COMMD10: variants seen among roughly 807,000 people sequenced by gnomAD.
COMMD10 encodes COMM domain containing 10.
COMMD10 carries 33 observed loss-of-function variants against 28.9 expected under a neutral mutation model. That is an observed-to-expected ratio of 1.14 (90% CI 0.87 to 1.53). The LOEUF is 1.53. COMMD10 is among the 40% of genes most tolerant of loss of function. The pLI is 0.00. For missense variants in COMMD10, 310 were observed against 233.4 expected (o/e 1.33, Z -2.14); for synonymous variants, 110 against 81.7 (o/e 1.35, Z -1.87).
At chr5:116,138,583 TTTA>T (rs1355328791) in intron 5 of COMMD10, among the ~76,000 whole-genome samples, 1 of 151,796 alleles carries the variant, frequency 6.6e-6, no homozygotes, top group East Asian at 1.9e-4. Flanking sequence ...GATTCCAAAT[TTTA>T]TTTGTGCATC....
chr5:116,176,174 C>T (rs1032508373), intron 5 of COMMD10, among the ~76,000 whole-genome samples: 5 of 152,098 alleles, frequency 3.3e-5, no homozygotes, highest in South Asian at 2.1e-4. Context: ...TGCAGTGGCA[C>T]GATCTTGGTT....
intron 5 of COMMD10, among the ~76,000 whole-genome samples, chr5:116,237,619 G>A (rs1749703560): frequency 6.6e-6 from 1 of 152,094 alleles, no homozygotes. Context: ...AGGCTAGCCT[G>A]GGCAACGTAT....
chr5:116,147,244 T>C (rs919713168), intron 5 of COMMD10, among the ~76,000 whole-genome samples: 2 of 151,892 alleles, frequency 1.3e-5, no homozygotes, highest in Non-Finnish European at 2.9e-5. Flanking sequence ...GAGATTGATA[T>C]TCATAAAGCA....
intron 5 of COMMD10, among the ~76,000 whole-genome samples, chr5:116,174,805 T>C (rs552095850): frequency 6.6e-6 from 1 of 152,200 alleles, no homozygotes; most frequent in Non-Finnish European, 1.5e-5. Flanking sequence ...TACTCAATTT[T>C]TAATCAAAGC....
At chr5:116,097,600 A>G (rs1439400193) in intron 4 of COMMD10, among the ~76,000 whole-genome samples, 1 of 152,186 alleles carries the variant, frequency 6.6e-6, no homozygotes, top group Non-Finnish European at 1.5e-5. Context: ...TGTACTTCAT[A>G]TTAGTCCATT....
chr5:116,201,084 A>T (rs1308275984), intron 5 of COMMD10, among the ~76,000 whole-genome samples: 1 of 152,008 alleles, frequency 6.6e-6, no homozygotes, highest in African/African-American at 2.4e-5. Context: ...AGTGAGCTGG[A>T]GTTGGGTATT....
At position 116,097,676 on chromosome 5, in the gene COMMD10, C is replaced by T. The variant is rs574591479; in HGVS notation, c.399+4976C>T. ...AAAGAAAAGAGGTGTAATTTGCCCA[C>T]GGTTCTGCAGGCTGTACGGGAAGCA... On this transcript the variant is annotated intron_variant, in intron 4 of 6. Coordinates refer to ENST00000274458, the MANE Select transcript of COMMD10 (RefSeq NM_016144.4). Among the ~76,000 whole-genome samples, 6 of 152,216 alleles carry T rather than the reference C, an allele frequency of 3.9e-5. No homozygotes were observed. The South Asian group carries it at 6.2e-4, about 16-fold the overall frequency.
intron 5 of COMMD10, among the ~76,000 whole-genome samples, chr5:116,163,040 ACCACTTCTTTAGAG>A (rs1467847757): frequency 6.6e-6 from 1 of 152,040 alleles, no homozygotes; most frequent in Non-Finnish European, 1.5e-5. Flanking sequence ...GGGGCTCCTT[ACCACTTCTTTAGAG>A]GTTCAGATAA....
Position 116,292,471 on chromosome 5 carries a change from G to T in COMMD10, c.591G>T (p.Gln197His). The T allele has an allele frequency of 6.4e-7, 1 of 1,570,582 alleles. No homozygotes were observed. The highest frequency in any genetic ancestry group is 1.2e-5 in the South Asian group (1 of 85,228). ...AATAGCTAGAGACTATACAAGCACA[G>T]CTGGATTCCCTTACATGATGTTTTC... The part of the protein sequence containing the change: ...FYNKLETIQA[Q>H]LDSLT The change falls in exon 7 of 7, where the codon CAG becomes CAT. Residue 197 changes from glutamine to histidine, a missense_variant. Coordinates refer to ENST00000274458, the MANE Select transcript of COMMD10 (RefSeq NM_016144.4).
At chr5:116,099,811 A>G (rs146678007) in intron 4 of COMMD10, among the ~76,000 whole-genome samples, 36 of 152,064 alleles carry the variant, frequency 2.4e-4, no homozygotes, top group East Asian at 1.9e-4. Flanking sequence ...TTTTCCTGCT[A>G]TTGAGTTTGT....
intron 5 of COMMD10, among the ~76,000 whole-genome samples, chr5:116,285,796 C>A (rs539307100): frequency 6.6e-6 from 1 of 151,682 alleles, no homozygotes; most frequent in Non-Finnish European, 1.5e-5. Flanking sequence ...AGGATTTTTG[C>A]GTCAATACTT....
At chr5:116,152,029 T>C (rs1477521086) in intron 5 of COMMD10, among the ~76,000 whole-genome samples, 1 of 152,196 alleles carries the variant, frequency 6.6e-6, no homozygotes, top group Admixed American at 6.6e-5. Context: ...CTGCTTTGAA[T>C]GTGTCCCAGA....
At chr5:116,127,480 T>C (rs1474343516) in intron 4 of COMMD10, among the ~76,000 whole-genome samples, 1 of 152,230 alleles carries the variant, frequency 6.6e-6, no homozygotes. Flanking sequence ...TGCACACGCA[T>C]GTTTATAGTG....
chr5:116,199,469 A>C (rs1748608620), intron 5 of COMMD10, among the ~76,000 whole-genome samples: 2 of 152,130 alleles, frequency 1.3e-5, no homozygotes, highest in African/African-American at 4.8e-5. Context: ...TAATTTAATG[A>C]AGTCCAGCTT....
intron 5 of COMMD10, among the ~76,000 whole-genome samples, chr5:116,243,920 A>C (rs1255523310): frequency 6.6e-6 from 1 of 152,174 alleles, no homozygotes; most frequent in Non-Finnish European, 1.5e-5. Flanking sequence ...CCCACTCCCC[A>C]TAATTAAGAT....
chr5:116,155,012 C>T (rs2136207), intron 5 of COMMD10, among the ~76,000 whole-genome samples: 46,972 of 151,918 alleles, frequency 0.31, 9,839 homozygotes, highest in African/African-American at 0.6. Context: ...GTTGCTGTTT[C>T]TTTAGTTAAG....
intron 5 of COMMD10, among the ~76,000 whole-genome samples, chr5:116,265,874 A>T (rs1750570395): frequency 6.6e-6 from 1 of 151,802 alleles, no homozygotes; most frequent in African/African-American, 2.4e-5. Flanking sequence ...CTATACTAAA[A>T]TGAAGACAAG....
At chr5:116,162,886 T>A (rs1752964051) in intron 5 of COMMD10, among the ~76,000 whole-genome samples, 1 of 148,704 alleles carries the variant, frequency 6.7e-6, no homozygotes, top group Non-Finnish European at 1.5e-5. Context: ...TAAAAAATTA[T>A]CAGATATTCA....
At chr5:116,222,649 A>G (rs1181190639) in intron 5 of COMMD10, among the ~76,000 whole-genome samples, 2 of 152,182 alleles carry the variant, frequency 1.3e-5, no homozygotes, top group African/African-American at 4.8e-5. Flanking sequence ...TGTTCACAAA[A>G]GAGCTAGAAT....
Sources: allele counts gnomAD v4.1 joint callset (sites outside exome capture counted in the v4.1 genomes callset), GRCh38; gene constraint gnomAD v4.1.1; transcripts MANE v1.5; gene names NCBI Gene and HGNC (gene_info 2026-07-23, HGNC 2026-07-21).